Variants in SMTN observed in about 807,000 individuals in gnomAD.
SMTN encodes smoothelin.
SMTN carries 58 observed loss-of-function variants against 102.0 expected under a neutral mutation model. The ratio of observed to expected loss-of-function variants is 0.57; its 90% CI spans 0.46 to 0.71. The LOEUF (loss-of-function observed/expected upper bound fraction) is 0.71. Among genes scored for constraint, SMTN ranks in the 30% least tolerant of loss-of-function variants. The pLI, the probability that SMTN is intolerant of heterozygous loss-of-function variation, is 0.00. For synonymous variants in SMTN, 478 were observed against 497.9 expected (o/e 0.96, Z 0.53); for missense variants, 1,185 against 1,241.7 (o/e 0.95, Z 0.69).
At chr22:31,102,492 C>T (rs1395729371) in intron 20 of SMTN, 2 of 152,398 alleles carry the variant, frequency 1.3e-5, no homozygotes, top group Non-Finnish European at 2.9e-5. Flanking sequence ...GGGGGGCAGT[C>T]CACATGTGCA....
intron 20 of SMTN, chr22:31,101,646 G>C (rs560292640): frequency 6.5e-6 from 1 of 152,780 alleles, no homozygotes; most frequent in Non-Finnish European, 1.5e-5. Context: ...TTAGCCAGGC[G>C]TGTGGCGCAC....
chr22:31,094,111 C>T (rs1309727779), intron 11 of SMTN, among the ~76,000 whole-genome samples: 4 of 152,218 alleles, frequency 2.6e-5, no homozygotes, highest in Admixed American at 6.5e-5. Flanking sequence ...AGCTCCCTGC[C>T]GCCCTGCACC....
rs774327749 is a variant in SMTN at position 31,089,688 on chromosome 22, G to C, written c.472-11G>C. The C allele has an allele frequency of 1.9e-6, 3 of 1,589,628 alleles. No individual in the cohort carries two copies. Among genetic ancestry groups the C allele is most frequent in the Non-Finnish European group, 1.7e-6 (2 of 1,172,314 alleles). On this transcript the variant is annotated splice_polypyrimidine_tract_variant and intron_variant, in intron 6 of 20. Coordinates refer to ENST00000333137, the MANE Select transcript of SMTN (RefSeq NM_134269.3). The stretch of plus-strand genomic sequence containing the variant: ...AGGGAGCCTTGGTTGCATCCTGTGG[G>C]TCCCTTACAGGTGCCAGAGCGAGAG...
At position 31,098,648 on chromosome 22, in the gene SMTN, G is replaced by A. The variant is rs115221218; in HGVS notation, c.2160-19G>A. On this transcript the variant is annotated intron_variant, in intron 16 of 20. Coordinates refer to ENST00000333137, the MANE Select transcript of SMTN (RefSeq NM_134269.3). ...CAGCCCTGCTCTCCCTGCCTAACAT[G>A]CGCCTCCCCAACCCCTAGCATCTTC... 1.3e-4 allele frequency: 206 copies of A among 1,610,854 alleles called. No individual in the cohort carries two copies. The African/African-American group carries it at 2.6e-3, about 21-fold the overall frequency.
chr22:31,089,035 A>T, intron 6 of SMTN, 66 bp downstream of exon 6: 3 of 1,320,194 alleles, frequency 2.3e-6, no homozygotes, highest in South Asian at 2.4e-5. Flanking sequence ...AGAGTGCCTG[A>T]GTGTCTTTGC....
In SMTN at chr22:31,095,708, C is replaced by G; in HGVS notation, c.1861+99C>G. ...ATTTGTGGACACCCCAGCTTAATAACTGCCCTACCCAGCTTCTCCTTCTCT... is the reference window on the plus strand; with the variant it reads ...ATTTGTGGACACCCCAGCTTAATAAGTGCCCTACCCAGCTTCTCCTTCTCT... On this transcript the variant is annotated intron_variant, in intron 13 of 20. Transcript: ENST00000333137. The surrounding 1 kb of genome is among the most constrained non-coding windows in gnomAD (Gnocchi z 4.1). The G allele has an allele frequency of 9.7e-7, 1 of 1,027,188 alleles. No homozygotes were observed. Among genetic ancestry groups the G allele is most frequent in the Admixed American group, 2.2e-5 (1 of 45,192 alleles). The allele number at this position is 1,027,188 out of a possible 1,614,324, so 63.6% of individuals were successfully genotyped here.
In SMTN at chr22:31,088,797, C is replaced by G. The variant is rs754069224; in HGVS notation, c.373+20C>G. On this transcript the variant is annotated intron_variant, in intron 5 of 20. Coordinates refer to ENST00000333137, the MANE Select transcript of SMTN (RefSeq NM_134269.3). Reference sequence around the variant, plus strand: ...TTGAGGGTATGTGGCCTGTCCCGGCCCCACCCCTGCCCTGCTGTCTGCTGT... The same window carrying G: ...TTGAGGGTATGTGGCCTGTCCCGGCGCCACCCCTGCCCTGCTGTCTGCTGT... 32 of 1,611,120 alleles carry G rather than the reference C, an allele frequency of 2.0e-5. No individual in the cohort carries two copies. Among genetic ancestry groups the G allele is most frequent in the African/African-American group, 4.0e-5 (3 of 74,868 alleles).
chr22:31,068,172 T>G (rs541185246), intron 1 of SMTN: 5 of 152,012 alleles, frequency 3.3e-5, no homozygotes, highest in Non-Finnish European at 4.4e-5. Context: ...GGCGTGGTGG[T>G]GGACACCTGT....
At chr22:31,086,740 G>A (rs2042730469) in intron 2 of SMTN, among the ~76,000 whole-genome samples, 1 of 152,228 alleles carries the variant, frequency 6.6e-6, no homozygotes, top group Non-Finnish European at 1.5e-5. Context: ...GTTTCAGGGG[G>A]TCTTCTCATA....
intron 1 of SMTN, among the ~76,000 whole-genome samples, chr22:31,070,375 C>G (rs534029698): frequency 1.2e-4 from 19 of 152,154 alleles, no homozygotes; most frequent in Non-Finnish European, 2.6e-4. Flanking sequence ...TCCCCTCTCC[C>G]CATCCAAACC....
chr22:31,097,111 C>T (rs764019953), intron 15 of SMTN, 51 bp downstream of exon 15: 1 of 1,574,526 alleles, frequency 6.4e-7, no homozygotes, highest in South Asian at 1.1e-5. Context: ...CGCCCACCTC[C>T]TCCGGCTCTT....
chr22:31,098,998 G>T (rs2043854322), intron 17 of SMTN, 64 bp from the exon 18 acceptor site: 1 of 1,546,700 alleles, frequency 6.5e-7, no homozygotes, highest in Non-Finnish European at 8.9e-7. Context: ...GGGATCCACT[G>T]GGTGGGCCCA....
Position 31,098,802 on chromosome 22 carries a change from G to A in SMTN, c.2295G>A (p.Lys765=). ...AGACCTCAGCCTCCCAGGCGCGCAA[G>A]GCCATGATTGAGAAGCTGGAGAAGG... ...LPKTSASQAR[K]AMIEKLEKEG... is the part of the protein sequence containing the mutation. Residue 765 remains lysine, a synonymous_variant, in exon 17 of 21, where the codon AAG becomes AAA. Coordinates refer to ENST00000333137, the MANE Select transcript of SMTN (RefSeq NM_134269.3). 1 of 1,612,616 alleles carries A rather than the reference G, an allele frequency of 6.2e-7. No homozygotes were observed. The highest frequency in any genetic ancestry group is 8.5e-7 in the Non-Finnish European group (1 of 1,179,810).
At chr22:31,104,121 C>A in intron 20 of SMTN, 195 bp from the exon 21 acceptor site, 1 of 619,442 alleles carries the variant, frequency 1.6e-6, no homozygotes, top group Non-Finnish European at 2.8e-6. Context: ...TAGCTCTGCT[C>A]CCCCGCCCCG....
chr22:31,074,357 G>A (rs1365991638), intron 1 of SMTN, among the ~76,000 whole-genome samples: 7 of 152,108 alleles, frequency 4.6e-5, no homozygotes, highest in Non-Finnish European at 7.4e-5. Flanking sequence ...TCCAGCTTGG[G>A]TGACAGAGAT....
chr22:31,077,305 G>C (rs2042153311), upstream of SMTN, among the ~76,000 whole-genome samples: 1 of 152,016 alleles, frequency 6.6e-6, no homozygotes, highest in Non-Finnish European at 1.5e-5. Flanking sequence ...CTGTGAGCCT[G>C]GGAGGTCAAG....
Position 31,090,199 on chromosome 22 carries a change from G to A in SMTN, c.865+19G>A, listed in dbSNP as rs764348119. 3 of 1,586,290 alleles carry A rather than the reference G, an allele frequency of 1.9e-6. No homozygotes were observed. The highest frequency in any genetic ancestry group is 2.7e-5 in the African/African-American group (2 of 73,684). On this transcript the variant is annotated intron_variant, in intron 8 of 20. Coordinates refer to ENST00000333137, the MANE Select transcript of SMTN (RefSeq NM_134269.3). ...AGAGCAGGTGAGGGTCCCAGCAGGG[G>A]TAGTCACAGGCATCTTTCTTCCCCT...
At position 31,097,308 on chromosome 22, in the gene SMTN, C is replaced by T. The variant is rs1308326884; in HGVS notation, c.2129C>T (p.Ser710Phe). The change falls in exon 16 of 21, where the codon TCC becomes TTC. Residue 710 changes from serine to phenylalanine, a missense_variant. This residue lies in a region of SMTN where 1,096 missense variants were observed against 1,112.7 expected (regional missense o/e 0.98). Coordinates refer to ENST00000333137, the MANE Select transcript of SMTN (RefSeq NM_134269.3). ...ACCATGATGCAAACCAAGACCTTCT[C>T]CTCTTCCTCCTCATCCAAGAAGATG... ...GSTMMQTKTF[S>F]SSSSSKKMGS... The T allele has an allele frequency of 1.2e-6, 2 of 1,614,178 alleles. No individual in the cohort carries two copies. The highest frequency in any genetic ancestry group is 2.2e-5 in the East Asian group (1 of 44,886).
chr22:31,074,049 C>T (rs2079429), intron 1 of SMTN, among the ~76,000 whole-genome samples: 48,185 of 152,148 alleles, frequency 0.32, 8,347 homozygotes, highest in South Asian at 0.43. Flanking sequence ...ACCCAGGCTT[C>T]GAACTGGCAA....
Sources: gnomAD v4.1 joint callset for allele counts (sites outside exome capture counted in the v4.1 genomes callset) on GRCh38, gnomAD v4.1.1 for gene constraint, gnomAD v4.1.1 regional missense constraint, Gnocchi (gnomAD v3.1) non-coding constraint, MANE v1.5 for transcripts, NCBI Gene and HGNC (gene_info 2026-07-23, HGNC 2026-07-21) for gene names.